The following ST6GALNAC3 variants were observed in gnomAD, a reference collection of about 807,000 sequenced individuals.
ST6GALNAC3 encodes the protein ST6 N-acetylgalactosaminide alpha-2,6-sialyltransferase 3.
ST6GALNAC3 carries 25 observed loss-of-function variants against 32.7 expected under a neutral mutation model. The ratio of observed to expected loss-of-function variants is 0.76; its 90% CI spans 0.56 to 1.07. The LOEUF is 1.07. Ranked by LOEUF, ST6GALNAC3 falls within the 50% of genes least tolerant of loss-of-function variation. The probability of loss-of-function intolerance (pLI) is 0.00; values close to 1 mark genes in which losing one functional copy is unlikely to be tolerated. For synonymous variants in ST6GALNAC3, 129 were observed against 133.1 expected (o/e 0.97, Z 0.21); for missense variants, 355 against 382.4 (o/e 0.93, Z 0.60).
intron 2 of ST6GALNAC3, among the ~76,000 whole-genome samples, chr1:76,405,238 A>G (rs1181736918): frequency 6.6e-6 from 1 of 152,080 alleles, no homozygotes; most frequent in Non-Finnish European, 1.5e-5. Flanking sequence ...AAATGCAGAG[A>G]TTTAATAACT....
At chr1:76,403,928 G>A (rs768834537) in intron 2 of ST6GALNAC3, among the ~76,000 whole-genome samples, 15 of 139,138 alleles carry the variant, frequency 1.1e-4, no homozygotes, top group Non-Finnish European at 1.5e-4. Flanking sequence ...TTGAGAAAAC[G>A]TGTTTTTTGC....
intron 1 of ST6GALNAC3, among the ~76,000 whole-genome samples, chr1:76,112,804 A>G (rs1648143834): frequency 6.7e-6 from 1 of 150,078 alleles, no homozygotes; most frequent in Non-Finnish European, 1.5e-5. Flanking sequence ...GATGCTCCTC[A>G]CTTCCTAGAT....
chr1:76,385,008 A>G (rs1651983410), intron 2 of ST6GALNAC3, among the ~76,000 whole-genome samples: 1 of 152,190 alleles, frequency 6.6e-6, no homozygotes, highest in Non-Finnish European at 1.5e-5. Flanking sequence ...CAGAGAATGC[A>G]TACCATAATA....
intron 2 of ST6GALNAC3, among the ~76,000 whole-genome samples, chr1:76,341,512 A>G (rs534775955): frequency 6.6e-6 from 1 of 152,118 alleles, no homozygotes; most frequent in African/African-American, 2.4e-5. Context: ...TGATGAACAT[A>G]CTAGTGCAGG....
chr1:76,132,085 G>A (rs1277058200), intron 1 of ST6GALNAC3, among the ~76,000 whole-genome samples: 2 of 152,128 alleles, frequency 1.3e-5, no homozygotes, highest in African/African-American at 4.8e-5. Context: ...AAGCAACAGT[G>A]TCTCATAGCC....
intron 2 of ST6GALNAC3, among the ~76,000 whole-genome samples, chr1:76,369,587 G>C (rs1339370833): frequency 6.6e-6 from 1 of 152,104 alleles, no homozygotes; most frequent in Admixed American, 6.6e-5. Context: ...CTCTGGTTCT[G>C]AGTAAATGCC....
At chr1:76,143,553 C>G (rs778562817) in intron 1 of ST6GALNAC3, among the ~76,000 whole-genome samples, 1 of 152,056 alleles carries the variant, frequency 6.6e-6, no homozygotes, top group Non-Finnish European at 1.5e-5. Context: ...GGACTTAAAA[C>G]CTTTGAAAAA....
intron 2 of ST6GALNAC3, among the ~76,000 whole-genome samples, chr1:76,351,976 G>T (rs1444654567): frequency 6.6e-6 from 1 of 152,132 alleles, no homozygotes; most frequent in African/African-American, 2.4e-5. Context: ...ATAAATGTTT[G>T]TGGCCATCCG....
intron 3 of ST6GALNAC3, among the ~76,000 whole-genome samples, chr1:76,546,621 C>T (rs1337850908): frequency 6.6e-6 from 1 of 152,130 alleles, no homozygotes; most frequent in Admixed American, 6.5e-5. Flanking sequence ...AGTGAATACA[C>T]CTGGGGAAAG....
intron 1 of ST6GALNAC3, among the ~76,000 whole-genome samples, chr1:76,098,507 C>A (rs2100768260): frequency 6.6e-6 from 1 of 152,220 alleles, no homozygotes; most frequent in African/African-American, 2.4e-5. Flanking sequence ...TTTTAATTTG[C>A]ATTTCCTTGA....
At chr1:76,208,092 G>T (rs1453023762) in intron 1 of ST6GALNAC3, among the ~76,000 whole-genome samples, 1 of 136,770 alleles carries the variant, frequency 7.3e-6, no homozygotes, top group African/African-American at 2.7e-5. Context: ...GTCCTTTCAT[G>T]CCTCAGGGAC....
At chr1:76,371,341 T>G (rs916059287) in intron 2 of ST6GALNAC3, among the ~76,000 whole-genome samples, 3 of 152,148 alleles carry the variant, frequency 2.0e-5, no homozygotes, top group Admixed American at 2.0e-4. Flanking sequence ...TATGTGGTAT[T>G]TATACTGTGC....
In ST6GALNAC3 at chr1:76,309,360, A is replaced by C. The variant is rs112026584; in HGVS notation, c.19-4445A>C. 1.2e-4 allele frequency among the ~76,000 whole-genome samples: 19 copies of C among 152,256 alleles called. 1 individual carries two copies. Among genetic ancestry groups the C allele is most frequent in the African/African-American group, 3.9e-4 (16 of 41,552 alleles). ...ATGTAAATTCTTTAGTATGTATTGC[A>C]TGATATACATGTGAGACATGCATGT... On this transcript the variant is annotated intron_variant, in intron 1 of 4. Coordinates refer to ENST00000328299, the MANE Select transcript of ST6GALNAC3 (RefSeq NM_152996.4).
intron 2 of ST6GALNAC3, among the ~76,000 whole-genome samples, chr1:76,329,536 C>T (rs1247549246): frequency 6.6e-6 from 1 of 152,098 alleles, no homozygotes; most frequent in Non-Finnish European, 1.5e-5. Flanking sequence ...TTCTTTATGC[C>T]ATCTCTACAT....
At chr1:76,446,400 C>T (rs1387627255) in intron 3 of ST6GALNAC3, among the ~76,000 whole-genome samples, 2 of 152,140 alleles carry the variant, frequency 1.3e-5, no homozygotes, top group Non-Finnish European at 1.5e-5. Flanking sequence ...TCTTAAGGAT[C>T]TGGACAAATG....
chr1:76,264,124 C>CCA lies in ST6GALNAC3; in HGVS notation c.19-49678_19-49677dup, dbSNP rs1369027439. 3.3e-5 allele frequency among the ~76,000 whole-genome samples: 5 copies of CCA among 152,240 alleles called. No homozygotes were observed. The East Asian group carries it at 9.7e-4, about 29-fold the overall frequency. ...GAGCCATGGAGATTACCTCTATTCC[C>CCA]CACATTTTACAGATGAGGAAACTTC... is the stretch of plus-strand genomic sequence containing the variant. On this transcript the variant is annotated intron_variant, in intron 1 of 4. Coordinates refer to ENST00000328299, the MANE Select transcript of ST6GALNAC3 (RefSeq NM_152996.4).
At chr1:76,255,117 G>A (rs1030856238) in intron 1 of ST6GALNAC3, among the ~76,000 whole-genome samples, 1 of 151,356 alleles carries the variant, frequency 6.6e-6, no homozygotes, top group Non-Finnish European at 1.5e-5. Flanking sequence ...GTTTGGTCTG[G>A]TCTGTTAGAG....
chr1:76,182,498 CTATCTGCTTTCAGTT>C (rs1227454892), intron 1 of ST6GALNAC3, among the ~76,000 whole-genome samples: 2 of 152,222 alleles, frequency 1.3e-5, no homozygotes, highest in South Asian at 2.1e-4. Context: ...ATATGATTAC[CTATCTGCTTTCAGTT>C]TACACTATTG....
At chr1:76,112,553 C>T (rs571306889) in intron 1 of ST6GALNAC3, among the ~76,000 whole-genome samples, 17 of 151,802 alleles carry the variant, frequency 1.1e-4, no homozygotes, top group Non-Finnish European at 1.9e-4. Context: ...GGGTGGCTGC[C>T]GGGCGGAGAC....
Sources: gnomAD v4.1 joint callset for allele counts (sites outside exome capture counted in the v4.1 genomes callset) on GRCh38, gnomAD v4.1.1 for gene constraint, MANE v1.5 for transcripts, NCBI Gene and HGNC (gene_info 2026-07-23, HGNC 2026-07-21) for gene names.